GLT1D1: variants seen among roughly 807,000 people sequenced by gnomAD.
GLT1D1 encodes glycosyltransferase 1 domain containing 1.
Under a neutral mutation model 28.7 loss-of-function variants are expected in GLT1D1, and 21 were observed. The observed-to-expected ratio is 0.73, with a 90% CI of 0.52 to 1.05. GLT1D1 has a LOEUF of 1.05. Ranked by LOEUF, GLT1D1 falls within the 50% of genes least tolerant of loss-of-function variation. The pLI, the probability that GLT1D1 is intolerant of heterozygous loss-of-function variation, is 0.00. For synonymous variants in GLT1D1, 147 were observed against 124.8 expected (o/e 1.18, Z -1.19); for missense variants, 343 against 330.6 (o/e 1.04, Z -0.29).
In GLT1D1 at chr12:128,912,405, T is replaced by C; in HGVS notation, c.375+13118T>C. On this transcript the variant is annotated intron_variant, in intron 4 of 7. Transcript: ENST00000281703. ...CTGTCCAATGTACTTTTCTTTTCTC[T>C]CTCCCCTCCTTTCAAAAGCCGCATG... is the stretch of plus-strand genomic sequence containing the variant. 1 of 1,511,122 alleles carries C rather than the reference T, an allele frequency of 6.6e-7. No homozygotes were observed. Among genetic ancestry groups the C allele is most frequent in the Admixed American group, 2.0e-5 (1 of 49,950 alleles). The allele number at this position is 1,511,122 out of a possible 1,614,324, so 93.6% of individuals were successfully genotyped here. A position where few individuals can be genotyped will look rare whatever the true frequency, so the allele number is the denominator to read the frequency against.
At chr12:128,943,467 C>T (rs1439251026) in intron 4 of GLT1D1, among the ~76,000 whole-genome samples, 1 of 151,874 alleles carries the variant, frequency 6.6e-6, no homozygotes, top group Non-Finnish European at 1.5e-5. Flanking sequence ...CATTTCTCAA[C>T]CTGAGTCACA....
chr12:128,866,316 G>A (rs1392208279), intron 1 of GLT1D1, among the ~76,000 whole-genome samples: 6 of 151,854 alleles, frequency 4.0e-5, no homozygotes, highest in South Asian at 4.1e-4. Flanking sequence ...TGATCCACCC[G>A]CCTCAGTCTC....
chr12:128,876,011 T>C lies in GLT1D1; in HGVS notation c.166T>C (p.Cys56Arg). ...TGCAAACCTCATCTTGGCTGAGAACTGCGAGGCTGCCCTGGCTCTTCATCT... is the reference window on the plus strand; with the variant it reads ...TGCAAACCTCATCTTGGCTGAGAACCGCGAGGCTGCCCTGGCTCTTCATCT... The change falls in exon 2 of 8, where the codon TGC becomes CGC. Residue 56 changes from cysteine (C) to arginine (R), a missense_variant. Cys to Arg is a radical substitution (Grantham distance 180). Coordinates refer to ENST00000281703, the MANE Select transcript of GLT1D1 (RefSeq NM_144669.3). 6.2e-7 allele frequency: 1 copy of C among 1,613,966 alleles called. No individual in the cohort carries two copies. The highest frequency in any genetic ancestry group is 8.5e-7 in the Non-Finnish European group (1 of 1,179,864).
At chr12:128,928,611 G>GCT (rs761083100) in intron 4 of GLT1D1, among the ~76,000 whole-genome samples, 1 of 147,028 alleles carries the variant, frequency 6.8e-6, no homozygotes, top group Non-Finnish European at 1.5e-5. Flanking sequence ...GCGTGTTTGT[G>GCT]GTTTTTTTTT....
chr12:128,879,904 T>C lies in GLT1D1; in HGVS notation c.217+3842T>C, dbSNP rs114881693. Among the ~76,000 whole-genome samples, 473 of 152,368 alleles carry C rather than the reference T, an allele frequency of 3.1e-3. 6 individuals carry two copies. Among genetic ancestry groups the C allele is most frequent in the African/African-American group, 0.011 (458 of 41,584 alleles). ...CATTCTTTTTATTGGCTGTGAGGTA[T>C]TCCACTGTGACAATGCACCATACTT... On this transcript the variant is annotated intron_variant, in intron 2 of 7. Transcript: ENST00000281703.
chr12:128,924,192 C>G (rs1175118858), intron 4 of GLT1D1, among the ~76,000 whole-genome samples: 1 of 151,926 alleles, frequency 6.6e-6, no homozygotes, highest in East Asian at 2.0e-4. Flanking sequence ...TTTGGGAGGC[C>G]AAGGTGGGCG....
chr12:128,855,814 G>A (rs965673502), intron 1 of GLT1D1, among the ~76,000 whole-genome samples: 3 of 145,082 alleles, frequency 2.1e-5, no homozygotes, highest in South Asian at 2.2e-4. Flanking sequence ...GTGCAATGGC[G>A]GGGTCTCAGC....
intron 3 of GLT1D1, among the ~76,000 whole-genome samples, chr12:128,890,709 C>G (rs921841106): frequency 2.0e-5 from 3 of 151,050 alleles, no homozygotes; most frequent in Non-Finnish European, 4.4e-5. Flanking sequence ...CACTTTAACC[C>G]AGGAGGTGGC....
At chr12:128,957,717 C>CTT in intron 7 of GLT1D1, 74 bp downstream of exon 11, 1 of 1,003,162 alleles carries the variant, frequency 1.0e-6, no homozygotes, top group Non-Finnish European at 1.6e-6. Context: ...TGGAGAGATT[C>CTT]TTTCTGTTAG....
intron 6 of GLT1D1, among the ~76,000 whole-genome samples, chr12:128,956,548 C>T (rs1420195944): frequency 1.3e-5 from 2 of 152,146 alleles, no homozygotes; most frequent in Non-Finnish European, 2.9e-5. Flanking sequence ...TGGATTTGAT[C>T]GGGATCCACT....
chr12:128,860,473 T>G (rs1033760446), intron 1 of GLT1D1, among the ~76,000 whole-genome samples: 2 of 152,030 alleles, frequency 1.3e-5, no homozygotes, highest in Non-Finnish European at 2.9e-5. Flanking sequence ...CAAAAAGAAA[T>G]TAGTAGTGTC....
At position 128,984,298 on chromosome 12, in the gene GLT1D1, G is replaced by C. The variant is rs1271011208; in HGVS notation, c.*1208G>C. The C allele has an allele frequency of 1.3e-5, 2 of 152,068 alleles. No individual in the cohort carries two copies. The highest frequency in any genetic ancestry group is 4.8e-5 in the African/African-American group (2 of 41,416). The allele number at this position is 152,068 out of a possible 1,614,324, so 9.4% of individuals were successfully genotyped here. A position where few individuals can be genotyped will look rare whatever the true frequency, so the allele number is the denominator to read the frequency against. ...GCATTGTCCTTGCTTCAAGTTTTAG[G>C]ATGTCTGAACTTTCAGCTTTCATGT... is the stretch of plus-strand genomic sequence containing the variant. On this transcript the variant is annotated 3_prime_UTR_variant, in exon 8 of 8. Coordinates refer to ENST00000281703, the MANE Select transcript of GLT1D1 (RefSeq NM_144669.3).
chr12:128,925,955 C>G (rs909013313), intron 4 of GLT1D1, among the ~76,000 whole-genome samples: 1 of 152,174 alleles, frequency 6.6e-6, no homozygotes, highest in South Asian at 2.1e-4. Context: ...CTTTGGGAGC[C>G]CAAGGCGGGC....
At chr12:128,946,357 T>G (rs1383077373) in intron 5 of GLT1D1, among the ~76,000 whole-genome samples, 1 of 152,178 alleles carries the variant, frequency 6.6e-6, no homozygotes, top group Non-Finnish European at 1.5e-5. Context: ...TTTGTTGTTG[T>G]TGTTGTTGAG....
intron 4 of GLT1D1, among the ~76,000 whole-genome samples, chr12:128,901,289 A>AC (rs1870224902): frequency 6.7e-6 from 1 of 148,860 alleles, no homozygotes; most frequent in South Asian, 2.1e-4. Flanking sequence ...ACATGTTGTT[A>AC]TTTTTTTTTT....
At chr12:128,922,914 C>G (rs1266867359) in intron 4 of GLT1D1, among the ~76,000 whole-genome samples, 1 of 104,192 alleles carries the variant, frequency 9.6e-6, no homozygotes, top group South Asian at 3.2e-4. Context: ...CAGGCTGAGA[C>G]TCCATCTCAA....
At chr12:128,884,994 A>C (rs928865650) in intron 2 of GLT1D1, among the ~76,000 whole-genome samples, 1 of 150,532 alleles carries the variant, frequency 6.6e-6, no homozygotes, top group African/African-American at 2.5e-5. Flanking sequence ...GGGTGGAGCA[A>C]TCCTCCTGCC....
At chr12:128,952,776 T>TTC in intron 6 of GLT1D1, among the ~76,000 whole-genome samples, 1 of 124,618 alleles carries the variant, frequency 8.0e-6, no homozygotes, top group Admixed American at 8.1e-5. Flanking sequence ...TGACTGGCTT[T>TTC]TTTTTTTTTT....
chr12:128,978,212 C>T (rs997217479), intron 7 of GLT1D1, among the ~76,000 whole-genome samples: 7 of 152,180 alleles, frequency 4.6e-5, no homozygotes, highest in African/African-American at 1.2e-4. Context: ...TCGGCTTTTC[C>T]GCAGCTCCCA....
Sources: gnomAD v4.1 joint callset for allele counts (sites outside exome capture counted in the v4.1 genomes callset) on GRCh38, gnomAD v4.1.1 for gene constraint, MANE v1.5 for transcripts, NCBI Gene and HGNC (gene_info 2026-07-23, HGNC 2026-07-21) for gene names.